The following RSBN1L variants were observed in gnomAD, a reference collection of about 807,000 sequenced individuals.
The protein encoded by RSBN1L is round spermatid basic protein 1 like, also known as lysine-specific demethylase RSBN1L.
Under a neutral mutation model 67.7 loss-of-function variants are expected in RSBN1L, and 30 were observed. That is an observed-to-expected ratio of 0.44 (90% confidence interval 0.33 to 0.60). RSBN1L has a LOEUF of 0.60. Ranked by LOEUF, RSBN1L falls within the 20% of genes least tolerant of loss-of-function variation. The probability of loss-of-function intolerance (pLI) is 0.02; values close to 1 mark genes in which losing one functional copy is unlikely to be tolerated. For missense variants in RSBN1L, 992 were observed against 1,031.7 expected, an observed-to-expected ratio of 0.96 and a Z score of 0.53; for synonymous variants, 433 against 387.0, an observed-to-expected ratio of 1.12 and a Z score of -1.39.
At chr7:77,729,492 G>A (rs185007257) in intron 1 of RSBN1L, among the ~76,000 whole-genome samples, 37 of 152,272 alleles carry the variant, frequency 2.4e-4, no homozygotes, top group African/African-American at 8.2e-4. Context: ...GGCATTTGTT[G>A]ACTGTAAGAT....
chr7:77,761,657 A>G (rs1182801473), intron 3 of RSBN1L, among the ~76,000 whole-genome samples: 1 of 152,194 alleles, frequency 6.6e-6, no homozygotes, highest in Non-Finnish European at 1.5e-5. Context: ...GTATTTTATC[A>G]AGCAGTATAT....
At chr7:77,739,852 C>T (rs1376435856) in intron 2 of RSBN1L, among the ~76,000 whole-genome samples, 1 of 128,228 alleles carries the variant, frequency 7.8e-6, no homozygotes, top group African/African-American at 3.0e-5. Context: ...TGGGTTCAAG[C>T]AGTTTTCCTG....
intron 1 of RSBN1L, among the ~76,000 whole-genome samples, chr7:77,720,622 G>A (rs1345743869): frequency 1.3e-5 from 2 of 152,142 alleles, no homozygotes; most frequent in South Asian, 2.1e-4. Context: ...GGCACAACAC[G>A]GTTAAGTAAC....
At chr7:77,730,711 TGCATGGCTTGATA>T (rs1364513042) in intron 1 of RSBN1L, among the ~76,000 whole-genome samples, 6 of 152,250 alleles carry the variant, frequency 3.9e-5, no homozygotes, top group Non-Finnish European at 7.3e-5. Flanking sequence ...TCCATGTCTT[TGCATGGCTTGATA>T]GCTCACTTCT....
At chr7:77,720,796 C>T (rs1791107423) in intron 1 of RSBN1L, among the ~76,000 whole-genome samples, 2 of 122,140 alleles carry the variant, frequency 1.6e-5, no homozygotes, top group South Asian at 5.5e-4. Context: ...GACAGAGTCT[C>T]ACTCTGTCAC....
rs764759982 is a variant in RSBN1L, at chr7:77,696,489, C to G, written c.20C>G (p.Pro7Arg). The change falls in exon 1 of 8, where the codon CCC becomes CGC. Residue 7 changes from proline to arginine, a missense_variant. Physicochemically the swap from Pro to Arg is moderately radical, Grantham distance 103. This residue lies in a region of RSBN1L where 575 missense variants were observed against 483.2 expected (regional missense o/e 1.19). Transcript: ENST00000334955. The stretch of plus-strand genomic sequence containing the variant: ...CGCAAAATGGCGGAACCGCCGAGCC[C>G]CGTGCACTGTGTCGCTGCCGCGGCC... MAEPPS[P>R]VHCVAAAAPT... The G allele has an allele frequency of 3.7e-6, 6 of 1,612,806 alleles. No individual in the cohort carries two copies. Among genetic ancestry groups the G allele is most frequent in the Non-Finnish European group, 4.2e-6 (5 of 1,179,458 alleles).
chr7:77,769,011 T>G (rs1202717807), intron 5 of RSBN1L, among the ~76,000 whole-genome samples: 1 of 152,156 alleles, frequency 6.6e-6, no homozygotes, highest in Non-Finnish European at 1.5e-5. Context: ...GACAAGAAAT[T>G]GTAATGATGG....
At position 77,713,665 on chromosome 7, in the gene RSBN1L, C is replaced by CTT. The variant is rs751682740; in HGVS notation, c.586+16623_586+16624dup. 7.6e-3 allele frequency among the ~76,000 whole-genome samples: 1,097 copies of CTT among 144,846 alleles called. 5 individuals are homozygous for CTT. The highest frequency in any genetic ancestry group is 0.012 in the Non-Finnish European group (767 of 65,658). ...GCCACCATGCCCGGCCTCTCTCTTC[C>CTT]TTTTTTTTTTTTTTAAAAATAGAGA... On this transcript the variant is annotated intron_variant, in intron 1 of 7. Coordinates refer to ENST00000334955, the MANE Select transcript of RSBN1L (RefSeq NM_198467.3).
rs1791337984 is a variant in RSBN1L at position 77,736,502 on chromosome 7, G to A, written c.679G>A (p.Gly227Arg). The A allele has an allele frequency of 7.6e-7, 1 of 1,310,190 alleles. No individual in the cohort carries two copies. Among genetic ancestry groups the A allele is most frequent in the Non-Finnish European group, 1.0e-6 (1 of 960,892 alleles). The allele number at this position is 1,310,190 out of a possible 1,614,324, so 81.2% of individuals were successfully genotyped here. Residue 227 changes from glycine to arginine, a missense_variant, in exon 2 of 8, where the codon GGA becomes AGA. This residue lies in a region of RSBN1L where 575 missense variants were observed against 483.2 expected (regional missense o/e 1.19). Transcript: ENST00000334955. ...AATGAATGAGATCAAGAAAGAGAATGGAGAAGTAAAGATTTTGCTGAAAAG... is the reference window on the plus strand; with the variant it reads ...AATGAATGAGATCAAGAAAGAGAATAGAGAAGTAAAGATTTTGCTGAAAAG... Reference protein sequence around the residue: ...KVMNEIKKENGEVKILLKSGK... With the variant: ...KVMNEIKKENREVKILLKSGK...
chr7:77,697,697 G>T (rs1198379686), intron 1 of RSBN1L, among the ~76,000 whole-genome samples: 1 of 152,168 alleles, frequency 6.6e-6, no homozygotes, highest in Non-Finnish European at 1.5e-5. Context: ...CCTTCTGAAA[G>T]AATTTTCAGC....
intron 3 of RSBN1L, among the ~76,000 whole-genome samples, chr7:77,762,446 G>A (rs1791707840): frequency 6.6e-6 from 1 of 152,072 alleles, no homozygotes; most frequent in Non-Finnish European, 1.5e-5. Context: ...TAATTTAGAC[G>A]TGTTTTGTTT....
At chr7:77,747,883 G>A (rs1488353145) in intron 2 of RSBN1L, among the ~76,000 whole-genome samples, 2 of 151,414 alleles carry the variant, frequency 1.3e-5, no homozygotes, top group African/African-American at 4.9e-5. Flanking sequence ...TGTACAGGAA[G>A]CATGATGCTG....
At chr7:77,721,836 C>G (rs571504728) in intron 1 of RSBN1L, among the ~76,000 whole-genome samples, 1 of 152,196 alleles carries the variant, frequency 6.6e-6, no homozygotes, top group South Asian at 2.1e-4. Flanking sequence ...TCGTTTTAAG[C>G]AGAAGATAGT....
intron 1 of RSBN1L, among the ~76,000 whole-genome samples, chr7:77,713,578 G>A (rs1045620438): frequency 3.3e-5 from 5 of 150,702 alleles, no homozygotes; most frequent in Admixed American, 2.0e-4. Context: ...GGATGGTCTC[G>A]ATCTCCTGAC....
intron 5 of RSBN1L, among the ~76,000 whole-genome samples, chr7:77,770,543 TGTG>T (rs1791833599): frequency 6.6e-6 from 1 of 151,850 alleles, no homozygotes; most frequent in African/African-American, 2.4e-5. Context: ...ATTTAGCCAA[TGTG>T]GTGGTACATG....
Position 77,696,870 on chromosome 7 carries a change from T to A in RSBN1L, c.401T>A (p.Leu134Gln). The A allele has an allele frequency of 6.2e-7, 1 of 1,610,930 alleles. No homozygotes were observed. Among genetic ancestry groups the A allele is most frequent in the South Asian group, 1.1e-5 (1 of 91,082 alleles). The change falls in exon 1 of 8, where the codon CTG (leucine) becomes CAG (glutamine). Residue 134 changes from leucine (L) to glutamine (Q), a missense_variant. Transcript: ENST00000334955. ...CGCAAACTGCTGGTCCCTCCTACGC[T>A]GCTGCACGCTCAGCCTCACCATCTC... ...VPRKLLVPPT[L>Q]LHAQPHHLLL... is the part of the protein sequence containing the mutation.
rs1169100784 is a variant in RSBN1L at position 77,699,684 on chromosome 7, C to T, written c.586+2629C>T. ...CATTTAGTACCAGGGCCTGATGCCT[C>T]ACAATCTCTAAGGCCATCTAATCAT... is the stretch of plus-strand genomic sequence containing the variant. On this transcript the variant is annotated intron_variant, in intron 1 of 7. Coordinates refer to ENST00000334955, the MANE Select transcript of RSBN1L (RefSeq NM_198467.3). 2.6e-5 allele frequency among the ~76,000 whole-genome samples: 4 copies of T among 152,292 alleles called. No homozygotes were observed. The South Asian group carries it at 6.2e-4, about 24-fold the overall frequency.
At chr7:77,771,081 AC>A (rs1164634474) in intron 5 of RSBN1L, among the ~76,000 whole-genome samples, 4 of 152,118 alleles carry the variant, frequency 2.6e-5, no homozygotes, top group Non-Finnish European at 5.9e-5. Flanking sequence ...AGCTGGGACT[AC>A]AGGCGCACGC....
chr7:77,725,244 C>T (rs113218562), intron 1 of RSBN1L, among the ~76,000 whole-genome samples: 1,058 of 73,500 alleles, frequency 0.014, 39 homozygotes, highest in African/African-American at 0.067. Flanking sequence ...AAGCCCCCCA[C>T]TTTTTTTTTT....
Sources: gnomAD v4.1 joint callset for allele counts (sites outside exome capture counted in the v4.1 genomes callset) on GRCh38, gnomAD v4.1.1 for gene constraint, gnomAD v4.1.1 regional missense constraint, MANE v1.5 for transcripts, NCBI Gene and HGNC (gene_info 2026-07-23, HGNC 2026-07-21) for gene names.